Variants in DDX18 observed in about 807,000 individuals in gnomAD.
The protein encoded by DDX18 is ATP-dependent RNA helicase DDX18.
In DDX18, 23 loss-of-function variants were observed where a neutral mutation model predicts 73.5. The ratio of observed to expected loss-of-function variants is 0.31; its 90% confidence interval spans 0.23 to 0.44. The LOEUF (loss-of-function observed/expected upper bound fraction) is 0.44. Ranked by LOEUF, DDX18 falls within the 20% of genes least tolerant of loss-of-function variation. The pLI, the probability that DDX18 is intolerant of heterozygous loss-of-function variation, is 1.00. For synonymous variants in DDX18, 268 were observed against 282.7 expected (o/e 0.95, Z 0.52); for missense variants, 753 against 792.9 (o/e 0.95, Z 0.60).
At chr2:117,829,229 G>A in intron 12 of DDX18, 60 bp from the exon 13 acceptor site, 2 of 1,504,770 alleles carry the variant, frequency 1.3e-6, no homozygotes, top group Non-Finnish European at 1.8e-6. Flanking sequence ...TTAAAATCTG[G>A]TGTTTTGGAG....
intron 13 of DDX18, among the ~76,000 whole-genome samples, chr2:117,829,804 A>C (rs1679991730): frequency 6.6e-6 from 1 of 152,216 alleles, no homozygotes; most frequent in Non-Finnish European, 1.5e-5. Context: ...GTGTTTGCTG[A>C]GGCTGCACTG....
At position 117,824,684 on chromosome 2, in the gene DDX18, T is replaced by G. The variant is rs1573412203; in HGVS notation, c.1182T>G (p.Asn394Lys). The G allele has an allele frequency of 1.3e-6, 2 of 1,481,972 alleles. No homozygotes were observed. The highest frequency in any genetic ancestry group is 1.8e-6 in the Non-Finnish European group (2 of 1,116,584). 91.8% of individuals were successfully genotyped at this position (1,481,972 alleles called of 1,614,324 possible). A position where few individuals can be genotyped will look rare whatever the true frequency, so the allele number is the denominator to read the frequency against. ...LYVGVDDDKANATVDGLEQGY... is the reference protein window; with the variant it reads ...LYVGVDDDKAKATVDGLEQGY... ...TTGGCGTTGATGATGATAAAGCGAA[T>G]GCAACAGTGGATGGTCTTGAACAGG... The change falls in exon 8 of 14, where the codon AAT (asparagine) becomes AAG (lysine). Residue 394 changes from asparagine to lysine, a missense_variant. Around this residue, in one of 3 missense-constraint regions of DDX18, gnomAD observed 402 missense variants for 419.4 expected, o/e 0.96. Transcript: ENST00000263239.
intron 1 of DDX18, chr2:117,815,089 C>A (rs772325812): frequency 4.0e-5 from 23 of 572,356 alleles, no homozygotes; most frequent in African/African-American, 5.6e-5. Flanking sequence ...TGTCTTCTTA[C>A]AACGTTAGAG....
rs1162530675 is a variant in DDX18 at position 117,830,829 on chromosome 2, C to T, written c.*105C>T. The T allele has an allele frequency of 1.4e-6, 2 of 1,384,982 alleles. No homozygotes were observed. Among genetic ancestry groups the T allele is most frequent in the Non-Finnish European group, 2.0e-6 (2 of 999,884 alleles). 85.8% of individuals were successfully genotyped at this position (1,384,982 alleles called of 1,614,324 possible). On this transcript the variant is annotated 3_prime_UTR_variant, in exon 14 of 14. Transcript: ENST00000263239. The stretch of plus-strand genomic sequence containing the variant: ...GACTTTAGAATTTGGACTTACCTAA[C>T]AAGAGTATAAATTGACTTGGGTTGC...
intron 11 of DDX18, chr2:117,827,283 C>T (rs929717228): frequency 1.3e-5 from 2 of 152,282 alleles, no homozygotes; most frequent in African/African-American, 4.8e-5. Flanking sequence ...GATCTCCTGC[C>T]TCCTTGTTCC....
Position 117,825,741 on chromosome 2 carries a change from G to A in DDX18, c.1521+142G>A, listed in dbSNP as rs17047458. ...GTGACTGCAGTATTTCTCTGGTATT[G>A]AAAAGTACTTAAGGCTTTTCAGGGC... On this transcript the variant is annotated intron_variant, in intron 10 of 13. Transcript: ENST00000263239. The A allele has an allele frequency of 2.9e-3, 3,005 of 1,035,630 alleles. 63 individuals carry two copies. The African/African-American group carries it at 0.042, about 14-fold the overall frequency. The allele number at this position is 1,035,630 out of a possible 1,614,324, so 64.2% of individuals were successfully genotyped here.
intron 2 of DDX18, among the ~76,000 whole-genome samples, chr2:117,819,431 A>G (rs1558732030): frequency 6.6e-6 from 1 of 152,188 alleles, no homozygotes; most frequent in Non-Finnish European, 1.5e-5. Context: ...TAGTTGAACA[A>G]AAGCCTAAAA....
chr2:117,829,243 T>C lies in DDX18; in HGVS notation c.1693-46T>C, dbSNP rs759633162. ...TTTAAAATCTGGTGTTTTGGAGGTT[T>C]TTGTTTGTTTTTGTTTATTAAAACC... On this transcript the variant is annotated intron_variant, in intron 12 of 13. Coordinates refer to ENST00000263239, the MANE Select transcript of DDX18 (RefSeq NM_006773.4). The C allele has an allele frequency of 2.0e-6, 3 of 1,537,974 alleles. No individual in the cohort carries two copies. In the East Asian group the frequency reaches 6.8e-5, roughly 35 times the overall value.
chr2:117,824,667 G>A lies in DDX18; in HGVS notation c.1165G>A (p.Asp389Asn). The A allele has an allele frequency of 6.7e-7, 1 of 1,492,966 alleles. No homozygotes were observed. 92.5% of individuals were successfully genotyped at this position (1,492,966 alleles called of 1,614,324 possible). The change falls in exon 8 of 14, where the codon GAT becomes AAT. Residue 389 changes from aspartate to asparagine, a missense_variant. Physicochemically the swap from Asp to Asn is conservative, Grantham distance 23. Coordinates refer to ENST00000263239, the MANE Select transcript of DDX18 (RefSeq NM_006773.4). ...AAAGGAGCCATTGTATGTTGGCGTT[G>A]ATGATGATAAAGCGAATGCAACAGT... ...LKKEPLYVGV[D>N]DDKANATVDG...
chr2:117,817,803 T>C, intron 2 of DDX18, 75 bp downstream of exon 2: 1 of 1,449,866 alleles, frequency 6.9e-7, no homozygotes, highest in Non-Finnish European at 9.3e-7. Flanking sequence ...TCTATTACTA[T>C]TGTGTGCACA....
chr2:117,824,421 C>T (rs1326354559), intron 7 of DDX18, 148 bp from the exon 8 acceptor site: 2 of 712,982 alleles, frequency 2.8e-6, no homozygotes, highest in Non-Finnish European at 4.0e-6. Context: ...TCATGATATA[C>T]CCTTTTTACC....
In DDX18 at chr2:117,830,864, G is replaced by A; in HGVS notation, c.*140G>A. ...AATTGACTTGGGTTGCAAGCACTGAGCACTGTTACTTCTATCACGTCTCTC... is the reference window on the plus strand; with the variant it reads ...AATTGACTTGGGTTGCAAGCACTGAACACTGTTACTTCTATCACGTCTCTC... On this transcript the variant is annotated 3_prime_UTR_variant, in exon 14 of 14. Transcript: ENST00000263239. The A allele has an allele frequency of 1.1e-6, 1 of 902,814 alleles. No individual in the cohort carries two copies. Among genetic ancestry groups the A allele is most frequent in the Non-Finnish European group, 1.7e-6 (1 of 592,276 alleles). 55.9% of individuals were successfully genotyped at this position (902,814 alleles called of 1,614,324 possible). A position where few individuals can be genotyped will look rare whatever the true frequency, so the allele number is the denominator to read the frequency against.
chr2:117,824,405 A>T, intron 7 of DDX18, 164 bp from the exon 8 acceptor site: 1 of 554,014 alleles, frequency 1.8e-6, no homozygotes, highest in Non-Finnish European at 2.7e-6. Context: ...TTATAGACCT[A>T]GTGTTTCATG....
At chr2:117,827,188 C>T (rs1288473114) in intron 11 of DDX18, 1 of 152,166 alleles carries the variant, frequency 6.6e-6, no homozygotes, top group East Asian at 1.9e-4. Flanking sequence ...CAGGCAGTTC[C>T]CTGAAATTGC....
intron 10 of DDX18, chr2:117,825,817 T>C (rs1679917169): frequency 4.0e-6 from 2 of 499,584 alleles, no homozygotes; most frequent in African/African-American, 3.8e-5. Flanking sequence ...ACTTAAGTTA[T>C]GAAAATGAGA....
intron 11 of DDX18, chr2:117,828,728 T>C: frequency 5.6e-6 from 3 of 533,394 alleles, no homozygotes; most frequent in Non-Finnish European, 6.7e-6. Context: ...ACTGTGTCCC[T>C]ATCCAGTTCC....
intron 1 of DDX18, 141 bp downstream of exon 1, chr2:117,815,003 C>T: frequency 4.9e-6 from 4 of 818,646 alleles, no homozygotes; most frequent in South Asian, 1.6e-5. Flanking sequence ...GAAAAGGCAG[C>T]TTCCACTCGG....
chr2:117,829,535 C>A, intron 13 of DDX18, 69 bp downstream of exon 13: 1 of 1,431,118 alleles, frequency 7.0e-7, no homozygotes, highest in Admixed American at 1.9e-5. Flanking sequence ...GCATTTGGGG[C>A]TTTGCAGTGG....
Position 117,825,018 on chromosome 2 carries a change from A to T in DDX18, c.1285A>T (p.Met429Leu), listed in dbSNP as rs1679901461. ...FLKKNRKKKL[M>L]VFFSSCMSVK... Reference sequence around the variant, plus strand: ...TAAGAAGAACCGAAAGAAGAAGCTTATGGTCTTCTTTTCATCTTGTATGTC... The same window carrying T: ...TAAGAAGAACCGAAAGAAGAAGCTTTTGGTCTTCTTTTCATCTTGTATGTC... Residue 429 changes from methionine (M) to leucine (L), a missense_variant, in exon 9 of 14, where the codon ATG becomes TTG. Coordinates refer to ENST00000263239, the MANE Select transcript of DDX18 (RefSeq NM_006773.4). 6.2e-7 allele frequency: 1 copy of T among 1,613,992 alleles called. No individual in the cohort carries two copies. Among genetic ancestry groups the T allele is most frequent in the Non-Finnish European group, 8.5e-7 (1 of 1,179,924 alleles).
Sources: gnomAD v4.1 joint callset for allele counts (sites outside exome capture counted in the v4.1 genomes callset) on GRCh38, gnomAD v4.1.1 for gene constraint, gnomAD v4.1.1 regional missense constraint, MANE v1.5 for transcripts, NCBI Gene and HGNC (gene_info 2026-07-23, HGNC 2026-07-21) for gene names.